The following TMX4 variants were observed in gnomAD, a reference collection of about 807,000 sequenced individuals.
TMX4 encodes thioredoxin related transmembrane protein 4.
TMX4 carries 23 observed loss-of-function variants against 33.3 expected under a neutral mutation model. The ratio of observed to expected loss-of-function variants is 0.69; its 90% CI spans 0.50 to 0.98. The LOEUF is 0.98. Among genes scored for constraint, TMX4 ranks in the 50% least tolerant of loss-of-function variants. The pLI, the probability that TMX4 is intolerant of heterozygous loss-of-function variation, is 0.00. For synonymous variants in TMX4, 164 were observed against 161.5 expected, an observed-to-expected ratio of 1.02 and a Z score of -0.12; for missense variants, 399 against 448.9, an observed-to-expected ratio of 0.89 and a Z score of 1.01.
chr20:8,013,023 T>A (rs2050759011), intron 1 of TMX4, among the ~76,000 whole-genome samples: 1 of 152,174 alleles, frequency 6.6e-6, no homozygotes. Flanking sequence ...TATTCTTTTG[T>A]ATCTAAAGAA....
rs2050610059 is a variant in TMX4 at position 7,982,340 on chromosome 20, T to C, written c.961A>G (p.Ile321Val). 3.7e-6 allele frequency: 6 copies of C among 1,614,126 alleles called. No homozygotes were observed. Among genetic ancestry groups the C allele is most frequent in the Non-Finnish European group, 5.1e-6 (6 of 1,180,016 alleles). The change falls in exon 8 of 8, where the codon ATC (isoleucine) becomes GTC (valine). Residue 321 changes from isoleucine to valine, a missense_variant. Coordinates refer to ENST00000246024, the MANE Select transcript of TMX4 (RefSeq NM_021156.4). ...TCAGCTGGGCAGGGTTGCTCAGAGA[T>C]GCCTTCTTCAGCCTCCTCAGGCTCT... ...EVEPEEAEEG[I>V]SEQPCPADTE... is the part of the protein sequence containing the mutation.
intron 5 of TMX4, among the ~76,000 whole-genome samples, chr20:7,987,936 T>C (rs2050637750): frequency 6.6e-6 from 1 of 152,172 alleles, no homozygotes; most frequent in Non-Finnish European, 1.5e-5. Flanking sequence ...TCTGATTAAT[T>C]TATTATGAGC....
In TMX4 at chr20:7,988,882, G is replaced by T. The variant is rs2046220127; in HGVS notation, c.514-1493C>A. 2.0e-5 allele frequency among the ~76,000 whole-genome samples: 3 copies of T among 152,100 alleles called. No individual in the cohort carries two copies. In the South Asian group the frequency reaches 6.2e-4, roughly 31 times the overall value. On this transcript the variant is annotated intron_variant, in intron 5 of 7. Coordinates refer to ENST00000246024, the MANE Select transcript of TMX4 (RefSeq NM_021156.4). Reference sequence around the variant, plus strand: ...TACTAAAAATACAAAAATCAGCTGGGCGTAGTGGCAAGCGCCTATAATCCT... The same window carrying T: ...TACTAAAAATACAAAAATCAGCTGGTCGTAGTGGCAAGCGCCTATAATCCT...
Position 8,002,373 on chromosome 20 carries a change from AT to A in TMX4, c.293-833del, listed in dbSNP as rs576700334. ...GAAATAACTTATTCAAATAATCACA[AT>A]CACAACCACAAACAGAGAATGAAAA... On this transcript the variant is annotated intron_variant, in intron 2 of 7. Transcript: ENST00000246024. Among the ~76,000 whole-genome samples the A allele has an allele frequency of 8.5e-3, 1,297 of 152,288 alleles. 15 individuals are homozygous for A. Among genetic ancestry groups the A allele is most frequent in the African/African-American group, 0.029 (1,223 of 41,562 alleles).
chr20:8,016,486 A>G (rs959414367), intron 1 of TMX4, among the ~76,000 whole-genome samples: 8 of 152,254 alleles, frequency 5.3e-5, no homozygotes, highest in African/African-American at 1.9e-4. Flanking sequence ...TACTGCAAAT[A>G]TACTTTTAAC....
intron 4 of TMX4, among the ~76,000 whole-genome samples, chr20:7,996,371 C>A (rs1021386235): frequency 3.3e-5 from 5 of 152,172 alleles, no homozygotes; most frequent in Non-Finnish European, 7.3e-5. Context: ...GATGACAGTT[C>A]TTTCTGCTTC....
intron 5 of TMX4, 44 bp downstream of exon 5, chr20:7,995,982 T>C: frequency 6.9e-7 from 1 of 1,456,920 alleles, no homozygotes; most frequent in Non-Finnish European, 9.5e-7. Context: ...ATTTTTATTC[T>C]TAACCTCTCT....
At chr20:7,998,889 T>A (rs937389050) in intron 4 of TMX4, among the ~76,000 whole-genome samples, 2 of 152,044 alleles carry the variant, frequency 1.3e-5, no homozygotes, top group Non-Finnish European at 2.9e-5. Flanking sequence ...TGTTGTTGTG[T>A]TTTTTATCCA....
At position 7,982,490 on chromosome 20, in the gene TMX4, C is replaced by G; in HGVS notation, c.811G>C (p.Gly271Arg). 1 of 1,613,902 alleles carries G rather than the reference C, an allele frequency of 6.2e-7. No homozygotes were observed. Among genetic ancestry groups the G allele is most frequent in the African/African-American group, 1.3e-5 (1 of 75,028 alleles). ...VDDEEEKEDLGDEDEAEEEEE... is the reference protein window; with the variant it reads ...VDDEEEKEDLRDEDEAEEEEE... ...TCTTCCTCTGCTTCATCCTCATCGC[C>G]AAGATCTTCTTTCTCTTCTTCATCA... The change falls in exon 8 of 8, where the codon GGC (glycine) becomes CGC (arginine). Residue 271 changes from glycine to arginine, a missense_variant. By Grantham distance (125) the Gly-to-Arg change is moderately radical. Transcript: ENST00000246024.
chr20:7,980,006 C>T lies in TMX4; in HGVS notation c.*2245G>A, dbSNP rs2050598256. 1 of 152,086 alleles carries T rather than the reference C, an allele frequency of 6.6e-6. No homozygotes were observed. 9.4% of individuals were successfully genotyped at this position (152,086 alleles called of 1,614,324 possible). On this transcript the variant is annotated 3_prime_UTR_variant, in exon 8 of 8. Transcript: ENST00000246024. ...TGGGCATGGAACAAAGTTTTGATTG[C>T]ACTGTAACTGCCACCTGTCAAATGA...
intron 2 of TMX4, 87 bp from the exon 3 acceptor site, chr20:8,001,628 A>G: frequency 8.0e-7 from 1 of 1,243,096 alleles, no homozygotes; most frequent in Non-Finnish European, 1.1e-6. Context: ...CACATTATTA[A>G]AATCACTGCA....
intron 6 of TMX4, among the ~76,000 whole-genome samples, chr20:7,984,342 G>A (rs1181329826): frequency 4.6e-5 from 7 of 152,160 alleles, no homozygotes; most frequent in Admixed American, 3.3e-4. Context: ...CAGCAGCACC[G>A]CCTGGCTGCT....
chr20:7,987,598 T>C (rs2050636556), intron 5 of TMX4, among the ~76,000 whole-genome samples: 1 of 152,134 alleles, frequency 6.6e-6, no homozygotes, highest in Admixed American at 6.5e-5. Flanking sequence ...TATACTTGCT[T>C]AGAGTTCATA....
chr20:7,987,244 T>G (rs2050634577), intron 6 of TMX4, 44 bp downstream of exon 6: 2 of 1,300,478 alleles, frequency 1.5e-6, no homozygotes, highest in Admixed American at 5.0e-5. Context: ...TACATGAAAT[T>G]CATTTTGCCT....
intron 2 of TMX4, among the ~76,000 whole-genome samples, chr20:8,005,965 G>A (rs1379564043): frequency 6.6e-6 from 1 of 152,000 alleles, no homozygotes; most frequent in African/African-American, 2.4e-5. Context: ...GATTCTTCTG[G>A]TACACCAAGG....
chr20:8,018,843 A>C (rs1426954163), intron 1 of TMX4: 1 of 259,736 alleles, frequency 3.9e-6, no homozygotes, highest in Non-Finnish European at 7.6e-6. Context: ...ATACTGTAAA[A>C]TTTAAAAGGC....
At chr20:8,004,727 T>C (rs1037958404) in intron 2 of TMX4, among the ~76,000 whole-genome samples, 2 of 152,206 alleles carry the variant, frequency 1.3e-5, no homozygotes, top group Admixed American at 6.5e-5. Flanking sequence ...TTAGGTTCAG[T>C]ATTAAGAAAA....
At chr20:8,008,832 T>C (rs1219732506) in intron 2 of TMX4, among the ~76,000 whole-genome samples, 4 of 152,192 alleles carry the variant, frequency 2.6e-5, no homozygotes, top group Non-Finnish European at 5.9e-5. Context: ...CATGAACTAA[T>C]AGCTTTTATT....
intron 4 of TMX4, among the ~76,000 whole-genome samples, chr20:7,999,280 C>T (rs1251734153): frequency 6.6e-6 from 1 of 152,184 alleles, no homozygotes; most frequent in Non-Finnish European, 1.5e-5. Flanking sequence ...CCAAAGCTAT[C>T]CCCTGTGGTA....
Sources: gnomAD v4.1 joint callset for allele counts (sites outside exome capture counted in the v4.1 genomes callset) on GRCh38, gnomAD v4.1.1 for gene constraint, MANE v1.5 for transcripts, NCBI Gene and HGNC (gene_info 2026-07-23, HGNC 2026-07-21) for gene names.